Variants in COG6 observed in about 807,000 individuals in gnomAD.
The protein encoded by COG6 is conserved oligomeric Golgi complex subunit 6.
In COG6, 74 loss-of-function variants were observed where a neutral mutation model predicts 88.8. The observed-to-expected ratio is 0.83, with a 90% confidence interval of 0.69 to 1.01. COG6 has a LOEUF of 1.01. COG6 is among the 50% of genes least tolerant of loss of function. The probability of loss-of-function intolerance (pLI) is 0.00; values close to 1 mark genes in which losing one functional copy is unlikely to be tolerated. For missense variants in COG6, 800 were observed against 797.9 expected (o/e 1.00, Z -0.03); for synonymous variants, 286 against 278.7 (o/e 1.03, Z -0.26).
chr13:39,751,930 C>T lies in COG6; in HGVS notation c.*837C>T. The stretch of plus-strand genomic sequence containing the variant: ...CAATATGGGTCCTAAATCCAACCAA[C>T]TACACATTTTATCTGGTGTTCAAAC... On this transcript the variant is annotated 3_prime_UTR_variant, in exon 19 of 19. Transcript: ENST00000455146. The T allele has an allele frequency of 8.1e-7, 1 of 1,227,298 alleles. No homozygotes were observed. The highest frequency in any genetic ancestry group is 1.1e-6 in the Non-Finnish European group (1 of 934,254). The allele number at this position is 1,227,298 out of a possible 1,614,324, so 76.0% of individuals were successfully genotyped here.
In COG6 at chr13:39,728,529, G is replaced by T. The variant is rs201863944; in HGVS notation, c.1826+981G>T. On this transcript the variant is annotated intron_variant, in intron 18 of 18. Transcript: ENST00000455146. Reference sequence around the variant, plus strand: ...AAGTTCCATTTTAGGTGAGTGACTAGAGTAAATGAATTTAATTTTTTTTTG... The same window carrying T: ...AAGTTCCATTTTAGGTGAGTGACTATAGTAAATGAATTTAATTTTTTTTTG... Among the ~76,000 whole-genome samples, 5 of 151,514 alleles carry T rather than the reference G, an allele frequency of 3.3e-5. No homozygotes were observed. In the East Asian group the frequency reaches 9.7e-4, roughly 29 times the overall value.
Position 39,699,562 on chromosome 13 carries a change from A to C in COG6, c.1228A>C (p.Ser410Arg), listed in dbSNP as rs770623974. Residue 410 changes from serine to arginine, a missense_variant, in exon 13 of 19, where the codon AGC (serine) becomes CGC (arginine). By Grantham distance (110) the Ser-to-Arg change is moderately radical. Coordinates refer to ENST00000455146, the MANE Select transcript of COG6 (RefSeq NM_020751.3). Reference sequence around the variant, plus strand: ...TACCATTGAAGAAATGCATTTGCTAAGCAAAAAAATATTCTTCAATAGCTT... The same window carrying C: ...TACCATTGAAGAAATGCATTTGCTACGCAAAAAAATATTCTTCAATAGCTT... ...LTTIEEMHLL[S>R]KKIFFNSLSL... 2 of 1,597,442 alleles carry C rather than the reference A, an allele frequency of 1.3e-6. No individual in the cohort carries two copies. The highest frequency in any genetic ancestry group is 1.7e-6 in the Non-Finnish European group (2 of 1,165,970).
At chr13:39,696,528 A>G (rs1335850120) in intron 12 of COG6, among the ~76,000 whole-genome samples, 1 of 151,806 alleles carries the variant, frequency 6.6e-6, no homozygotes, top group Non-Finnish European at 1.5e-5. Context: ...AGTGTCCAGG[A>G]CAAAAATACA....
chr13:39,658,174 A>G (rs1357229016), intron 1 of COG6, among the ~76,000 whole-genome samples: 1 of 144,524 alleles, frequency 6.9e-6, no homozygotes, highest in Non-Finnish European at 1.5e-5. Context: ...ACCAAGTCTC[A>G]CTCTGTCGCC....
chr13:39,742,014 G>A (rs1465493918), intron 18 of COG6, among the ~76,000 whole-genome samples: 1 of 152,138 alleles, frequency 6.6e-6, no homozygotes, highest in Non-Finnish European at 1.5e-5. Flanking sequence ...AGCTTCATAA[G>A]TGAAGGAGAA....
intron 18 of COG6, among the ~76,000 whole-genome samples, chr13:39,727,898 A>G (rs1419192274): frequency 6.6e-6 from 1 of 152,162 alleles, no homozygotes; most frequent in East Asian, 1.9e-4. Context: ...TCATTATGCA[A>G]TGCAGATGAA....
chr13:39,699,888 A>G (rs1593435006), intron 13 of COG6, among the ~76,000 whole-genome samples: 1 of 151,970 alleles, frequency 6.6e-6, no homozygotes, highest in South Asian at 2.1e-4. Flanking sequence ...AAGTTGTATA[A>G]TTAAAGCAAA....
intron 18 of COG6, among the ~76,000 whole-genome samples, chr13:39,733,558 G>A (rs1451064419): frequency 6.6e-6 from 1 of 150,864 alleles, no homozygotes; most frequent in African/African-American, 2.4e-5. Flanking sequence ...TTACATCATT[G>A]CTCATCAGGG....
chr13:39,701,992 AAAAG>A (rs1453989685), intron 13 of COG6, among the ~76,000 whole-genome samples: 1 of 152,094 alleles, frequency 6.6e-6, no homozygotes, highest in African/African-American at 2.4e-5. Context: ...AATCAAGAAA[AAAAG>A]AAAATTAGAA....
intron 13 of COG6, among the ~76,000 whole-genome samples, chr13:39,701,427 A>C (rs573997496): frequency 6.6e-6 from 1 of 151,988 alleles, no homozygotes; most frequent in South Asian, 2.1e-4. Flanking sequence ...ATGGGTTTGG[A>C]TGAAGTCACT....
At chr13:39,756,836 CTG>C (rs1304704622), downstream of COG6, among the ~76,000 whole-genome samples, 1 of 152,072 alleles carries the variant, frequency 6.6e-6, no homozygotes, top group Non-Finnish European at 1.5e-5. Flanking sequence ...TGAACAAAAA[CTG>C]AGAATTCATT....
Position 39,751,363 on chromosome 13 carries a change from T to G in COG6, c.*270T>G, listed in dbSNP as rs1880621496. 2 of 1,418,240 alleles carry G rather than the reference T, an allele frequency of 1.4e-6. No homozygotes were observed. The highest frequency in any genetic ancestry group is 2.8e-5 in the African/African-American group (2 of 70,396). 87.9% of individuals were successfully genotyped at this position (1,418,240 alleles called of 1,614,324 possible). On this transcript the variant is annotated 3_prime_UTR_variant, in exon 19 of 19. Transcript: ENST00000455146. ...CTCCAGCTCTGCAGTTTTCACTGTA[T>G]TCAGGAAGCATAAAGTAGTATGAAA... is the stretch of plus-strand genomic sequence containing the variant.
At chr13:39,679,781 C>A in intron 6 of COG6, 161 bp downstream of exon 6, 1 of 699,948 alleles carries the variant, frequency 1.4e-6, no homozygotes. Flanking sequence ...CAGGTTTAGG[C>A]TAAAACAGCA....
intron 12 of COG6, among the ~76,000 whole-genome samples, chr13:39,697,644 C>T (rs1196758222): frequency 3.3e-5 from 5 of 151,836 alleles, no homozygotes; most frequent in African/African-American, 7.3e-5. Flanking sequence ...ACAAGTAATC[C>T]GCCTCTCTCC....
In COG6 at chr13:39,700,917, C is replaced by T. The variant is rs550091530; in HGVS notation, c.1284+1299C>T. On this transcript the variant is annotated intron_variant, in intron 13 of 18. Coordinates refer to ENST00000455146, the MANE Select transcript of COG6 (RefSeq NM_020751.3). ...CTTTAGATAGGTGAGGAAAGGAGTG[C>T]ATAGAGGTCATCTTAAATAGAAGAA... Among the ~76,000 whole-genome samples, 3 of 151,804 alleles carry T rather than the reference C, an allele frequency of 2.0e-5. No homozygotes were observed. In the South Asian group the frequency reaches 6.2e-4, roughly 32 times the overall value.
intron 18 of COG6, among the ~76,000 whole-genome samples, chr13:39,760,318 TAGAA>T (rs1366889388): frequency 1.3e-5 from 2 of 152,108 alleles, no homozygotes; most frequent in East Asian, 3.9e-4. Context: ...GAATTTACCT[TAGAA>T]AGGACACCAA....
chr13:39,683,081 G>A (rs1876413744), intron 8 of COG6, among the ~76,000 whole-genome samples: 1 of 152,100 alleles, frequency 6.6e-6, no homozygotes. Flanking sequence ...GAACACAAAT[G>A]CTGAACAGCT....
chr13:39,696,803 T>C (rs1025627929), intron 12 of COG6, among the ~76,000 whole-genome samples: 7 of 151,330 alleles, frequency 4.6e-5, no homozygotes, highest in African/African-American at 1.7e-4. Flanking sequence ...TCATGTAGTG[T>C]AGTGAGACAA....
chr13:39,708,529 G>A (rs949965631), intron 13 of COG6, among the ~76,000 whole-genome samples: 2 of 152,082 alleles, frequency 1.3e-5, no homozygotes, highest in Non-Finnish European at 2.9e-5. Flanking sequence ...CCACATTTAG[G>A]CCTTCAATCC....
Sources: gnomAD v4.1 joint callset for allele counts (sites outside exome capture counted in the v4.1 genomes callset) on GRCh38, gnomAD v4.1.1 for gene constraint, MANE v1.5 for transcripts, NCBI Gene and HGNC (gene_info 2026-07-23, HGNC 2026-07-21) for gene names.